The following USP11 variants were observed in gnomAD, a reference collection of about 807,000 sequenced individuals.
The protein encoded by USP11 is ubiquitin specific peptidase 11.
A neutral mutation model predicts 72.8 loss-of-function variants in USP11; 5 were observed. The observed-to-expected ratio is 0.07, with a 90% CI of 0.04 to 0.14. The LOEUF (loss-of-function observed/expected upper bound fraction) is 0.14, where lower values mean the gene tolerates loss of function less well. USP11 is among the 10% of genes least tolerant of loss of function. The pLI, the probability that USP11 is intolerant of heterozygous loss-of-function variation, is 1.00. For synonymous variants in USP11, 368 were observed against 326.5 expected, an observed-to-expected ratio of 1.13 and a Z score of -1.37; for missense variants, 480 against 794.7, an observed-to-expected ratio of 0.60 and a Z score of 4.76.
At chrX:47,242,877 G>A (rs1285776397) in intron 12 of USP11, among the ~76,000 whole-genome samples, 157 bp downstream of exon 12, 1 of 112,389 alleles carries the variant, frequency 8.9e-6, no homozygotes, top group Non-Finnish European at 1.9e-5. Flanking sequence ...TTGGGAGGCT[G>A]AGGCAGGAGA....
At position 47,248,094 on chromosome X, in the gene USP11, G is replaced by A. The variant is rs775442069; in HGVS notation, c.*164G>A. The A allele has an allele frequency of 1.3e-6, 1 of 783,585 alleles. No homozygotes were observed. The highest frequency in any genetic ancestry group is 2.9e-5 in the South Asian group (1 of 34,769). The allele number at this position is 783,585 out of a possible 1,213,427, so 64.6% of individuals were successfully genotyped here. ...TGTGCCGCTGCATCGCTCTCTCCCGGGAAAGAACAGGTCGTGTCTCCTCCT... is the reference window on the plus strand; with the variant it reads ...TGTGCCGCTGCATCGCTCTCTCCCGAGAAAGAACAGGTCGTGTCTCCTCCT... On this transcript the variant is annotated 3_prime_UTR_variant, in exon 21 of 21. Coordinates refer to ENST00000377107, the MANE Select transcript of USP11 (RefSeq NM_001371072.1).
intron 9 of USP11, among the ~76,000 whole-genome samples, 162 bp downstream of exon 9, chrX:47,241,861 A>G (rs1033732604): frequency 9.0e-6 from 1 of 111,553 alleles, no homozygotes; most frequent in East Asian, 2.8e-4. Context: ...GCAATACCAT[A>G]TCTGCCCCCA....
intron 17 of USP11, among the ~76,000 whole-genome samples, chrX:47,245,689 C>T (rs2055429124): frequency 9.1e-6 from 1 of 109,920 alleles, no homozygotes; most frequent in Non-Finnish European, 1.9e-5. Flanking sequence ...GGATTATAGG[C>T]ACCCACTACC....
Position 47,239,778 on chromosome X carries a change from C to A in USP11, c.418-12C>A. 8.3e-7 allele frequency: 1 copy of A among 1,206,683 alleles called. No individual in the cohort carries two copies. The highest frequency in any genetic ancestry group is 1.1e-6 in the Non-Finnish European group (1 of 890,930). Reference sequence around the variant, plus strand: ...TGAGTACACCTGTGTCTGCACCCCTCTACTCTTACAGGTCATAGAGCTGCC... The same window carrying A: ...TGAGTACACCTGTGTCTGCACCCCTATACTCTTACAGGTCATAGAGCTGCC... On this transcript the variant is annotated splice_polypyrimidine_tract_variant and intron_variant, in intron 3 of 20. Coordinates refer to ENST00000377107, the MANE Select transcript of USP11 (RefSeq NM_001371072.1).
intron 16 of USP11, 85 bp from the exon 17 acceptor site, chrX:47,245,285 G>T: frequency 1.0e-6 from 1 of 969,536 alleles, no homozygotes; most frequent in Non-Finnish European, 1.4e-6. Context: ...CACTCAGTGT[G>T]TGTCTCCCCC....
Position 47,239,923 on chromosome X carries a change from A to G in USP11, c.535+16A>G. ...GATTCTATTGGTGAGTCTAAGGGTC[A>G]CGCAATGGGTTGGTGTTCCTAGCTA... On this transcript the variant is annotated intron_variant, in intron 4 of 20. Coordinates refer to ENST00000377107, the MANE Select transcript of USP11 (RefSeq NM_001371072.1). The G allele has an allele frequency of 1.7e-6, 2 of 1,193,219 alleles. No individual in the cohort carries two copies. The highest frequency in any genetic ancestry group is 2.3e-6 in the Non-Finnish European group (2 of 878,771).
intron 13 of USP11, among the ~76,000 whole-genome samples, chrX:47,244,174 C>T (rs1477241308): frequency 1.9e-5 from 2 of 103,175 alleles, no homozygotes; most frequent in Non-Finnish European, 3.9e-5. Context: ...TCTTGGCTCA[C>T]TGCAACCTCC....
chrX:47,239,321 T>TCCTCTG (rs779567252), intron 2 of USP11, 30 bp from the exon 3 acceptor site: 5 of 1,205,241 alleles, frequency 4.1e-6, no homozygotes, highest in Non-Finnish European at 5.6e-6. Flanking sequence ...TGTTGATTCT[T>TCCTCTG]CCTCTGCCAC....
At chrX:47,239,982 G>C in intron 4 of USP11, 75 bp downstream of exon 4, 1 of 1,030,706 alleles carries the variant, frequency 9.7e-7, no homozygotes. Context: ...GGTTGCATAG[G>C]GTTAAGCTGA....
chrX:47,247,024 A>C (rs2055437507), intron 17 of USP11, 48 bp from the exon 18 acceptor site: 1 of 1,143,166 alleles, frequency 8.7e-7, no homozygotes, highest in Admixed American at 2.9e-5. Context: ...CTGTCTCAAA[A>C]AAAAAAAAAA....
At chrX:47,233,720 A>T (rs2147347662) in intron 1 of USP11, 1 of 203,949 alleles carries the variant, frequency 4.9e-6, no homozygotes, top group Non-Finnish European at 7.3e-6. Context: ...GGGAGGGGGG[A>T]GGAGCCTGGA....
intron 19 of USP11, 26 bp downstream of exon 19, chrX:47,247,445 C>A (rs769125274): frequency 1.2e-5 from 14 of 1,203,897 alleles, no homozygotes; most frequent in Non-Finnish European, 1.6e-5. Flanking sequence ...TGGGTGGGGC[C>A]TGCCCTGGGG....
In USP11 at chrX:47,247,066, C is replaced by G; in HGVS notation, c.2271-6C>G. 1 of 1,207,552 alleles carries G rather than the reference C, an allele frequency of 8.3e-7. No individual in the cohort carries two copies. The highest frequency in any genetic ancestry group is 1.8e-5 in the South Asian group (1 of 56,375). On this transcript the variant is annotated splice_region_variant and splice_polypyrimidine_tract_variant and intron_variant, in intron 17 of 20. Coordinates refer to ENST00000377107, the MANE Select transcript of USP11 (RefSeq NM_001371072.1). ...GTCCGTTTGCTGACTCGGGCTCTGTCTGTAGGTACTGCCCTTCCTGCAAGC... is the reference window on the plus strand; with the variant it reads ...GTCCGTTTGCTGACTCGGGCTCTGTGTGTAGGTACTGCCCTTCCTGCAAGC...
rs1428419266 is a variant in USP11, at chrX:47,237,775, GGTGTGTGT to G, written c.177-1292_177-1285del. ...GTGTCAGAAATGCCACAGCAGAACA[GGTGTGTGT>G]GTATGTGTGTGTGTGTGTGTGTGTG... On this transcript the variant is annotated intron_variant, in intron 1 of 20. Transcript: ENST00000377107. Among the ~76,000 whole-genome samples, 154 of 99,205 alleles carry G rather than the reference GGTGTGTGT, an allele frequency of 1.6e-3. 1 individual carries two copies. The highest frequency in any genetic ancestry group is 5.9e-3 in the African/African-American group (147 of 24,829). The allele number at this position is 99,205 out of a possible 115,157, so 86.1% of individuals were successfully genotyped here.
intron 1 of USP11, 108 bp downstream of exon 1, chrX:47,233,327 G>A: frequency 6.5e-6 from 7 of 1,077,674 alleles, no homozygotes; most frequent in Non-Finnish European, 8.4e-6. Flanking sequence ...CGGGGTGCGG[G>A]GGCGGGGGAG....
In USP11 at chrX:47,243,424, A is replaced by G. The variant is rs769763897; in HGVS notation, c.1612A>G (p.Ile538Val). 3.3e-6 allele frequency: 4 copies of G among 1,211,898 alleles called. No homozygotes were observed. Among genetic ancestry groups the G allele is most frequent in the Admixed American group, 4.3e-5 (2 of 46,085 alleles). Residue 538 changes from isoleucine to valine, a missense_variant, in exon 13 of 21, where the codon ATT (isoleucine) becomes GTT (valine). Physicochemically the swap from Ile to Val is conservative, Grantham distance 29. This residue lies in a region of USP11 where 314 missense variants were observed against 556.0 expected (regional missense o/e 0.56). Coordinates refer to ENST00000377107, the MANE Select transcript of USP11 (RefSeq NM_001371072.1). ...TGAGGTGTCAGGTCGCATTGAGGCC[A>G]TTGAGGGCTCAAGAGAGGACATCGT... The part of the protein sequence containing the change: ...VYEVSGRIEA[I>V]EGSREDIVVP...
chrX:47,245,763 C>A (rs1464699105), intron 17 of USP11, among the ~76,000 whole-genome samples: 1 of 110,907 alleles, frequency 9.0e-6, no homozygotes, highest in African/African-American at 3.3e-5. Flanking sequence ...AGGCTGGTCT[C>A]GAACTCCTGA....
chrX:47,244,847 G>A lies in USP11; in HGVS notation c.2009G>A (p.Arg670His), dbSNP rs1468669616. The change falls in exon 15 of 21, where the codon CGC becomes CAC. Residue 670 changes from arginine (R) to histidine (H), a missense_variant. By Grantham distance (29) the Arg-to-His change is conservative (BLOSUM62 0). Transcript: ENST00000377107. ...TCTCAGTGGCCCCCAAGGCGACGAC[G>A]CAAGCAGCTGTTCACCCTGCAGACG... Reference protein sequence around the residue: ...GTSQWPPRRRRKQLFTLQTVN... With the variant: ...GTSQWPPRRRHKQLFTLQTVN... 6 of 1,209,374 alleles carry A rather than the reference G, an allele frequency of 5.0e-6. No individual in the cohort carries two copies. The highest frequency in any genetic ancestry group is 4.5e-6 in the Non-Finnish European group (4 of 895,072).
Position 47,239,077 on chromosome X carries a change from G to C in USP11, c.184G>C (p.Val62Leu), listed in dbSNP as rs183062376. 876 of 1,207,129 alleles carry C rather than the reference G, an allele frequency of 7.3e-4. 3 individuals are homozygous for C. Among genetic ancestry groups the C allele is most frequent in the Non-Finnish European group, 8.9e-4 (791 of 893,676 alleles). Residue 62 changes from valine to leucine, a missense_variant, in exon 2 of 21, where the codon GTG (valine) becomes CTG (leucine). Coordinates refer to ENST00000377107, the MANE Select transcript of USP11 (RefSeq NM_001371072.1). ...TACCTGTCTGGGCCCCAGGTTCCTT[G>C]TGGAGAAGCACTGGTATAAGCAGTG... The part of the protein sequence containing the change: ...PLRAGESWFL[V>L]EKHWYKQWEA...
Sources: gnomAD v4.1 joint callset for allele counts (sites outside exome capture counted in the v4.1 genomes callset) on GRCh38, gnomAD v4.1.1 for gene constraint, gnomAD v4.1.1 regional missense constraint, MANE v1.5 for transcripts, NCBI Gene and HGNC (gene_info 2026-07-23, HGNC 2026-07-21) for gene names.